Variants in SPHK1 observed in about 807,000 individuals in gnomAD.
SPHK1 encodes sphingosine kinase 1.
Under a neutral mutation model 14.6 loss-of-function variants are expected in SPHK1, and 10 were observed. The observed-to-expected ratio is 0.68, with a 90% CI of 0.42 to 1.16. SPHK1 has a LOEUF of 1.16. SPHK1 is among the 50% of genes most tolerant of loss of function. SPHK1 has a pLI of 0.00. For missense variants in SPHK1, 553 were observed against 525.4 expected, an observed-to-expected ratio of 1.05 and a Z score of -0.51; for synonymous variants, 274 against 224.0, an observed-to-expected ratio of 1.22 and a Z score of -1.99.
Position 76,386,008 on chromosome 17 carries a change from C to T in SPHK1, c.34C>T (p.Pro12Ser), listed in dbSNP as rs776404063. The T allele has an allele frequency of 6.9e-6, 11 of 1,603,078 alleles. No homozygotes were observed. In the Admixed American group the frequency reaches 1.9e-4, roughly 27 times the overall value. ...AGCGGGCGGCCCCCGGGGCGTGCTCCCGCGGCCCTGCCGCGTGCTGGTGCT... is the reference window on the plus strand; with the variant it reads ...AGCGGGCGGCCCCCGGGGCGTGCTCTCGCGGCCCTGCCGCGTGCTGGTGCT... ...DPAGGPRGVL[P>S]RPCRVLVLLN... Residue 12 changes from proline to serine, a missense_variant, in exon 3 of 6, where the codon CCG (proline) becomes TCG (serine). Pro to Ser is a moderately conservative substitution (Grantham distance 74). Coordinates refer to ENST00000592299, the MANE Select transcript of SPHK1 (RefSeq NM_001142601.2). This position sits in a 1 kb window ranked among gnomAD's most constrained non-coding sequence, Gnocchi z 5.3.
chr17:76,384,048 AGCT>A, upstream of SPHK1: 1 of 338,258 alleles, frequency 3.0e-6, no homozygotes, highest in South Asian at 2.4e-5. Context: ...GAAAGAGGGA[AGCT>A]GGTGGGCGGC....
Position 76,387,533 on chromosome 17 carries a change from C to A in SPHK1, c.1102C>A (p.Pro368Thr). 6.2e-7 allele frequency: 1 copy of A among 1,608,688 alleles called. No homozygotes were observed. The highest frequency in any genetic ancestry group is 8.5e-7 in the Non-Finnish European group (1 of 1,178,376). ...YFWMVSGCVE[P>T]PPSWKPQQMP... ...CTGGATGGTCAGCGGTTGCGTGGAGCCCCCGCCCAGCTGGAAGCCCCAGCA... is the reference window on the plus strand; with the variant it reads ...CTGGATGGTCAGCGGTTGCGTGGAGACCCCGCCCAGCTGGAAGCCCCAGCA... The change falls in exon 6 of 6, where the codon CCC (proline) becomes ACC (threonine). Residue 368 changes from proline (P) to threonine (T), a missense_variant. Physicochemically the swap from Pro to Thr is conservative, Grantham distance 38 (BLOSUM62 -1). Transcript: ENST00000592299. This position sits in a 1 kb window ranked among gnomAD's most constrained non-coding sequence, Gnocchi z 4.1.
chr17:76,384,897 G>C (rs1385047961), intron 1 of SPHK1, 91 bp downstream of exon 1: 2 of 493,890 alleles, frequency 4.0e-6, no homozygotes, highest in Non-Finnish European at 6.9e-6. Flanking sequence ...TTGTCGCTTG[G>C]GCGAGAGCAG....
At position 76,386,982 on chromosome 17, in the gene SPHK1, A is replaced by C; in HGVS notation, c.551A>C (p.Tyr184Ser). 1 of 1,613,630 alleles carries C rather than the reference A, an allele frequency of 6.2e-7. No individual in the cohort carries two copies. Among genetic ancestry groups the C allele is most frequent in the African/African-American group, 1.3e-5 (1 of 75,018 alleles). Residue 184 changes from tyrosine to serine, a missense_variant, in exon 6 of 6, where the codon TAT becomes TCT. Tyr to Ser is a moderately radical substitution (Grantham distance 144, BLOSUM62 -2). Transcript: ENST00000592299. This position sits in a 1 kb window ranked among gnomAD's most constrained non-coding sequence, Gnocchi z 5.3. ...GATGTGGACCTAGAGAGTGAGAAGT[A>C]TCGGCGTCTGGGGGAGATGCGCTTC... Reference protein sequence around the residue: ...IADVDLESEKYRRLGEMRFTL... With the variant: ...IADVDLESEKSRRLGEMRFTL...
chr17:76,384,074 C>T (rs781340933), upstream of SPHK1: 32 of 308,016 alleles, frequency 1.0e-4, no homozygotes, highest in Non-Finnish European at 1.6e-4. Context: ...GCGAGACGCC[C>T]CGGCCTGGAG....
upstream of SPHK1, chr17:76,384,366 G>C (rs1159598738): frequency 1.3e-5 from 2 of 150,916 alleles, no homozygotes; most frequent in Non-Finnish European, 3.0e-5. Flanking sequence ...CTCGCGGCCT[G>C]CCGCCTCAGC....
chr17:76,386,041 C>T lies in SPHK1; in HGVS notation c.67C>T (p.Pro23Ser), dbSNP rs764650072. 1.9e-6 allele frequency: 3 copies of T among 1,608,020 alleles called. No individual in the cohort carries two copies. Among genetic ancestry groups the T allele is most frequent in the Middle Eastern group, 1.7e-4 (1 of 5,906 alleles). The part of the protein sequence containing the change: ...RPCRVLVLLN[P>S]RGGKGKALQL... ...CTGCCGCGTGCTGGTGCTGCTGAAC[C>T]CGCGCGGCGGCAAGGGCAAGGCCTT... The change falls in exon 3 of 6, where the codon CCG becomes TCG. Residue 23 changes from proline to serine, a missense_variant. By Grantham distance (74) the Pro-to-Ser change is moderately conservative (BLOSUM62 -1). Coordinates refer to ENST00000592299, the MANE Select transcript of SPHK1 (RefSeq NM_001142601.2). This position sits in a 1 kb window ranked among gnomAD's most constrained non-coding sequence, Gnocchi z 5.3.
At position 76,387,820 on chromosome 17, in the gene SPHK1, C is replaced by CGG; in HGVS notation, c.*234_*235insGG. The CGG allele has an allele frequency of 2.0e-6, 1 of 500,628 alleles. No homozygotes were observed. The highest frequency in any genetic ancestry group is 3.5e-6 in the Non-Finnish European group (1 of 285,036). The allele number at this position is 500,628 out of a possible 1,614,324, so 31.0% of individuals were successfully genotyped here. A position where few individuals can be genotyped will look rare whatever the true frequency, so the allele number is the denominator to read the frequency against. On this transcript the variant is annotated 3_prime_UTR_variant, in exon 6 of 6. Transcript: ENST00000592299. This position sits in a 1 kb window ranked among gnomAD's most constrained non-coding sequence, Gnocchi z 4.1. The stretch of plus-strand genomic sequence containing the variant: ...CTTCTAGTTTGTTCTGAGACCCCCA[C>CGG]CCCACGAACCAAATCCAAATAAAGT...
At position 76,386,239 on chromosome 17, in the gene SPHK1, G is replaced by C. The variant is rs887741214; in HGVS notation, c.182G>C (p.Arg61Pro). 2 of 1,594,454 alleles carry C rather than the reference G, an allele frequency of 1.3e-6. No homozygotes were observed. Among genetic ancestry groups the C allele is most frequent in the Non-Finnish European group, 1.7e-6 (2 of 1,176,310 alleles). ...LMLTERRNHARELVRSEELGR... is the reference protein window; with the variant it reads ...LMLTERRNHAPELVRSEELGR... The stretch of plus-strand genomic sequence containing the variant: ...CCTGCAGAGCGGCGGAACCACGCGC[G>C]GGAGCTGGTGCGGTCGGAGGAGCTG... Residue 61 changes from arginine (R) to proline (P), a missense_variant, in exon 4 of 6, where the codon CGG (arginine) becomes CCG (proline). By Grantham distance (103) the Arg-to-Pro change is moderately radical. Coordinates refer to ENST00000592299, the MANE Select transcript of SPHK1 (RefSeq NM_001142601.2). This position sits in a 1 kb window ranked among gnomAD's most constrained non-coding sequence, Gnocchi z 5.3.
chr17:76,387,799 T>A lies in SPHK1; in HGVS notation c.*213T>A. 1 of 549,374 alleles carries A rather than the reference T, an allele frequency of 1.8e-6. No homozygotes were observed. Among genetic ancestry groups the A allele is most frequent in the Non-Finnish European group, 3.1e-6 (1 of 318,272 alleles). The allele number at this position is 549,374 out of a possible 1,614,324, so 34.0% of individuals were successfully genotyped here. Reference sequence around the variant, plus strand: ...GCCCAGCTGCCTATGTAAGGCCTTCTAGTTTGTTCTGAGACCCCCACCCCA... The same window carrying A: ...GCCCAGCTGCCTATGTAAGGCCTTCAAGTTTGTTCTGAGACCCCCACCCCA... On this transcript the variant is annotated 3_prime_UTR_variant, in exon 6 of 6. Coordinates refer to ENST00000592299, the MANE Select transcript of SPHK1 (RefSeq NM_001142601.2). The surrounding 1 kb of genome is among the most constrained non-coding windows in gnomAD (Gnocchi z 4.1).
rs758424352 is a variant in SPHK1 at position 76,386,874 on chromosome 17, C to CA, written c.444dup (p.Pro149ThrfsTer28). On this transcript the variant is annotated frameshift_variant, in exon 6 of 6. Transcript: ENST00000592299. LOFTEE classifies it low-confidence loss of function (END_TRUNC). The surrounding 1 kb of genome is among the most constrained non-coding windows in gnomAD (Gnocchi z 5.3). ...CTATTGCTGTGCCGCCGGCTGCTGT[C>CA]ACCCATGAACCTGCTGTCTCTGCAC... 6.2e-7 allele frequency: 1 copy of CA among 1,605,882 alleles called. No homozygotes were observed. The highest frequency in any genetic ancestry group is 1.1e-5 in the South Asian group (1 of 90,406).
upstream of SPHK1, chr17:76,383,820 A>T (rs1463606114): frequency 7.8e-7 from 1 of 1,286,556 alleles, no homozygotes; most frequent in Non-Finnish European, 1.0e-6. Context: ...CTTCACGCTG[A>T]GCCAGAGGGG....
chr17:76,386,741 G>C lies in SPHK1; in HGVS notation c.375-65G>C. The C allele has an allele frequency of 6.7e-7, 1 of 1,491,256 alleles. No individual in the cohort carries two copies. The highest frequency in any genetic ancestry group is 1.3e-5 in the South Asian group (1 of 74,396). The allele number at this position is 1,491,256 out of a possible 1,614,324, so 92.4% of individuals were successfully genotyped here. ...GCGCTTTGCCAGCTCCCACTCCCCG[G>C]GAGGAGGAAGCGGGGGATACATGGG... On this transcript the variant is annotated intron_variant, in intron 5 of 5. Coordinates refer to ENST00000592299, the MANE Select transcript of SPHK1 (RefSeq NM_001142601.2). The surrounding 1 kb of genome is among the most constrained non-coding windows in gnomAD (Gnocchi z 5.3).
rs768881759 is a variant in SPHK1 at position 76,386,205 on chromosome 17, G to A, written c.164-16G>A. The A allele has an allele frequency of 3.1e-6, 5 of 1,595,662 alleles. No individual in the cohort carries two copies. In the African/African-American group the frequency reaches 6.7e-5, roughly 21 times the overall value. On this transcript the variant is annotated splice_polypyrimidine_tract_variant and intron_variant, in intron 3 of 5. Transcript: ENST00000592299. This position sits in a 1 kb window ranked among gnomAD's most constrained non-coding sequence, Gnocchi z 5.3. Reference sequence around the variant, plus strand: ...GGGGACCCCCCCAGTCCTGATAGCTGCCGGTCTCCCTGCAGAGCGGCGGAA... The same window carrying A: ...GGGGACCCCCCCAGTCCTGATAGCTACCGGTCTCCCTGCAGAGCGGCGGAA...
In SPHK1 at chr17:76,385,061, G is replaced by A. The variant is rs1193525878; in HGVS notation, c.-195+255G>A. On this transcript the variant is annotated intron_variant, in intron 1 of 5. Coordinates refer to ENST00000592299, the MANE Select transcript of SPHK1 (RefSeq NM_001142601.2). The surrounding 1 kb of genome is among the most constrained non-coding windows in gnomAD (Gnocchi z 5.3). ...CTCCGGGCAGGGGACACGGCAACCT[G>A]GATGGCTGGGGCAGGGATCCTCTCC... is the stretch of plus-strand genomic sequence containing the variant. 6.5e-7 allele frequency: 1 copy of A among 1,544,408 alleles called. No homozygotes were observed. Among genetic ancestry groups the A allele is most frequent in the South Asian group, 1.2e-5 (1 of 83,100 alleles).
Position 76,385,828 on chromosome 17 carries a change from G to A in SPHK1, c.11-157G>A. On this transcript the variant is annotated intron_variant, in intron 2 of 5. Transcript: ENST00000592299. This position sits in a 1 kb window ranked among gnomAD's most constrained non-coding sequence, Gnocchi z 5.3. ...AGGAAGGGGGTGGCAGGGGCGCCGC[G>A]TCCCCACCCCAGGTCTCCCAGCAAA... 1 of 1,444,982 alleles carries A rather than the reference G, an allele frequency of 6.9e-7. No homozygotes were observed. Among genetic ancestry groups the A allele is most frequent in the Non-Finnish European group, 9.4e-7 (1 of 1,066,968 alleles). The allele number at this position is 1,444,982 out of a possible 1,614,324, so 89.5% of individuals were successfully genotyped here.
Position 76,385,478 on chromosome 17 carries a change from G to T in SPHK1, c.-167G>T. 6.4e-7 allele frequency: 1 copy of T among 1,560,218 alleles called. No homozygotes were observed. The highest frequency in any genetic ancestry group is 1.2e-5 in the South Asian group (1 of 86,212). On this transcript the variant is annotated 5_prime_UTR_variant, in exon 2 of 6. Transcript: ENST00000592299. This position sits in a 1 kb window ranked among gnomAD's most constrained non-coding sequence, Gnocchi z 5.3. ...CCAGCCGCCGCAGGGAATGACGCCG[G>T]TGCTCCTGCAGCCACGGCTCCGGGC...
At position 76,386,324 on chromosome 17, in the gene SPHK1, C is replaced by G. The variant is rs763561434; in HGVS notation, c.258+9C>G. On this transcript the variant is annotated intron_variant, in intron 4 of 5. Transcript: ENST00000592299. The surrounding 1 kb of genome is among the most constrained non-coding windows in gnomAD (Gnocchi z 5.3). Reference sequence around the variant, plus strand: ...ACGGGCTGATGCACGAGGTGAGGACCGCACTGCGCGGCTAGGCCTGGGGCT... The same window carrying G: ...ACGGGCTGATGCACGAGGTGAGGACGGCACTGCGCGGCTAGGCCTGGGGCT... The G allele has an allele frequency of 6.2e-7, 1 of 1,605,472 alleles. No homozygotes were observed. The highest frequency in any genetic ancestry group is 1.3e-5 in the African/African-American group (1 of 74,998).
Position 76,385,309 on chromosome 17 carries a change from GC to G in SPHK1, c.-194-139del. On this transcript the variant is annotated intron_variant, in intron 1 of 5. Transcript: ENST00000592299. The surrounding 1 kb of genome is among the most constrained non-coding windows in gnomAD (Gnocchi z 5.3). ...GTAGGCTTAGTCACACGGCGGGGGC[GC>G]CCTCGGAGGCACCGGACCTCAGCTC... is the stretch of plus-strand genomic sequence containing the variant. 1.4e-6 allele frequency: 2 copies of G among 1,456,612 alleles called. No individual in the cohort carries two copies. Among genetic ancestry groups the G allele is most frequent in the South Asian group, 1.4e-5 (1 of 70,548 alleles). The allele number at this position is 1,456,612 out of a possible 1,614,324, so 90.2% of individuals were successfully genotyped here. A position where few individuals can be genotyped will look rare whatever the true frequency, so the allele number is the denominator to read the frequency against.
Sources: gnomAD v4.1 joint callset for allele counts on GRCh38, gnomAD v4.1.1 for gene constraint, Gnocchi (gnomAD v3.1) non-coding constraint, MANE v1.5 for transcripts, NCBI Gene and HGNC (gene_info 2026-07-23, HGNC 2026-07-21) for gene names.